The following CMSS1 variants were observed in gnomAD, a reference collection of about 807,000 sequenced individuals.
CMSS1 encodes the protein cms1 ribosomal small subunit homolog.
A neutral mutation model predicts 43.5 loss-of-function variants in CMSS1; 33 were observed. That is an observed-to-expected ratio of 0.76 (90% CI 0.57 to 1.01). CMSS1 has a LOEUF of 1.01. CMSS1 is among the 50% of genes least tolerant of loss of function. The probability of loss-of-function intolerance (pLI) is 0.00; values close to 1 mark genes in which losing one functional copy is unlikely to be tolerated. For synonymous variants in CMSS1, 115 were observed against 117.2 expected, an observed-to-expected ratio of 0.98 and a Z score of 0.12; for missense variants, 313 against 326.4, an observed-to-expected ratio of 0.96 and a Z score of 0.32.
intron 1 of CMSS1, among the ~76,000 whole-genome samples, chr3:100,030,962 T>C (rs1457935106): frequency 2.0e-5 from 3 of 152,198 alleles, no homozygotes; most frequent in African/African-American, 4.8e-5. Context: ...CTATGAGATA[T>C]GAAGTCTGAT....
chr3:100,015,868 C>T (rs368837267), intron 1 of CMSS1, among the ~76,000 whole-genome samples: 6 of 152,014 alleles, frequency 3.9e-5, no homozygotes, highest in Admixed American at 1.3e-4. Flanking sequence ...AATAATGAGG[C>T]GATGTATATA....
intron 1 of CMSS1, chr3:100,025,486 T>C (rs1451595252): frequency 6.6e-6 from 1 of 152,094 alleles, no homozygotes. Context: ...AGGGTTAAAA[T>C]AGATAAATAA....
intron 1 of CMSS1, among the ~76,000 whole-genome samples, chr3:99,995,717 C>G (rs1037390542): frequency 4.6e-5 from 7 of 152,246 alleles, no homozygotes; most frequent in Non-Finnish European, 1.0e-4. Context: ...GACTTCTGTG[C>G]ACTCACAGGT....
At chr3:99,843,252 A>C (rs1022844018) in intron 1 of CMSS1, among the ~76,000 whole-genome samples, 1 of 152,230 alleles carries the variant, frequency 6.6e-6, no homozygotes, top group South Asian at 2.1e-4. Flanking sequence ...TGAGAGAGAA[A>C]CAGACCTTGT....
intron 1 of CMSS1, among the ~76,000 whole-genome samples, chr3:99,959,549 G>T (rs1189754437): frequency 6.6e-6 from 1 of 152,082 alleles, no homozygotes; most frequent in African/African-American, 2.4e-5. Context: ...CATTACATGG[G>T]TTGTATCAAT....
intron 1 of CMSS1, among the ~76,000 whole-genome samples, chr3:100,007,286 A>C (rs139307749): frequency 1.3e-5 from 2 of 152,312 alleles, no homozygotes; most frequent in African/African-American, 4.8e-5. Flanking sequence ...TTTGAGATGA[A>C]AATATCTTAT....
intron 1 of CMSS1, among the ~76,000 whole-genome samples, chr3:99,961,180 C>G (rs950744719): frequency 2.0e-5 from 3 of 152,196 alleles, no homozygotes; most frequent in African/African-American, 7.2e-5. Flanking sequence ...GTTAAATTGC[C>G]TCTTCCAGGA....
At chr3:99,849,599 T>C (rs767048180) in intron 1 of CMSS1, 2 of 1,613,556 alleles carry the variant, frequency 1.2e-6, no homozygotes, top group South Asian at 2.2e-5. Flanking sequence ...CTGGTCTCTG[T>C]CTTTTCTGCT....
chr3:99,924,345 C>T, intron 1 of CMSS1: 2 of 1,614,118 alleles, frequency 1.2e-6, no homozygotes, highest in Non-Finnish European at 1.7e-6. Context: ...GATTTTTCTG[C>T]CACTAAAAGC....
At chr3:99,930,783 C>G in intron 1 of CMSS1, 11 of 1,613,298 alleles carry the variant, frequency 6.8e-6, no homozygotes, top group Non-Finnish European at 9.3e-6. Flanking sequence ...AGTTCTCCCT[C>G]CAGAATGCTG....
rs9816232 is a variant in CMSS1 at position 99,895,992 on chromosome 3, G to A, written c.64+77949G>A. ...AGGAGACATGTGGCTCACTGGAGGA[G>A]GGAACCATTTGCTTCTGCAGGGAAC... is the stretch of plus-strand genomic sequence containing the variant. On this transcript the variant is annotated intron_variant, in intron 1 of 9. Transcript: ENST00000421999. 5.0e-3 allele frequency among the ~76,000 whole-genome samples: 765 copies of A among 152,314 alleles called. 6 individuals carry two copies. The highest frequency in any genetic ancestry group is 0.017 in the African/African-American group (722 of 41,558).
At chr3:100,095,936 T>G (rs2066198573) in intron 1 of CMSS1, among the ~76,000 whole-genome samples, 1 of 151,870 alleles carries the variant, frequency 6.6e-6, no homozygotes, top group Admixed American at 6.6e-5. Context: ...AAAAAATGAA[T>G]AATCCAATTT....
intron 4 of CMSS1, among the ~76,000 whole-genome samples, chr3:100,163,137 A>C (rs2107527476): frequency 6.6e-6 from 1 of 152,328 alleles, no homozygotes; most frequent in Middle Eastern, 3.4e-3. Flanking sequence ...TTTATTCAAA[A>C]GGTTAATTGT....
At chr3:100,117,281 C>T (rs1487053044) in intron 1 of CMSS1, among the ~76,000 whole-genome samples, 2 of 151,954 alleles carry the variant, frequency 1.3e-5, no homozygotes, top group Admixed American at 6.6e-5. Context: ...AGACAGAAAC[C>T]CTATGGGAGA....
rs959622466 is a variant in CMSS1 at position 99,973,471 on chromosome 3, C to T, written c.64+155428C>T. Among the ~76,000 whole-genome samples the T allele has an allele frequency of 2.6e-5, 4 of 152,246 alleles. No homozygotes were observed. The East Asian group carries it at 5.8e-4, about 22-fold the overall frequency. On this transcript the variant is annotated intron_variant, in intron 1 of 9. Coordinates refer to ENST00000421999, the MANE Select transcript of CMSS1 (RefSeq NM_032359.4). ...AATCTAAAATATGCAGTTATAAATA[C>T]ATATGAAAATTCCTCTGTCTTTTTT...
rs200619882 is a variant in CMSS1 at position 99,849,644 on chromosome 3, C to G, written c.64+31601C>G. On this transcript the variant is annotated intron_variant, in intron 1 of 9. Coordinates refer to ENST00000421999, the MANE Select transcript of CMSS1 (RefSeq NM_032359.4). ...TTAGCAAGTTCCATTTTAACATGTTCTAGCTCTTTAGATAAAAATTGAGCT... is the reference window on the plus strand; with the variant it reads ...TTAGCAAGTTCCATTTTAACATGTTGTAGCTCTTTAGATAAAAATTGAGCT... 102 of 1,613,300 alleles carry G rather than the reference C, an allele frequency of 6.3e-5. No individual in the cohort carries two copies. The highest frequency in any genetic ancestry group is 7.8e-5 in the Non-Finnish European group (92 of 1,179,980).
chr3:99,864,753 C>A (rs1320228566), intron 1 of CMSS1, among the ~76,000 whole-genome samples: 3 of 152,052 alleles, frequency 2.0e-5, no homozygotes, highest in Non-Finnish European at 4.4e-5. Context: ...AAACAGAACA[C>A]GGCATGGTGT....
At chr3:99,874,141 G>A (rs560180221) in intron 1 of CMSS1, 4 of 152,072 alleles carry the variant, frequency 2.6e-5, no homozygotes, top group Non-Finnish European at 5.9e-5. Flanking sequence ...ATTAAAGAGT[G>A]TTATTTTTAA....
At chr3:100,142,026 G>A (rs1349082312) in intron 1 of CMSS1, among the ~76,000 whole-genome samples, 4 of 151,980 alleles carry the variant, frequency 2.6e-5, no homozygotes, top group Admixed American at 1.3e-4. Context: ...TCTTCTTTTG[G>A]AATCAAAAAA....
Sources: allele counts gnomAD v4.1 joint callset (sites outside exome capture counted in the v4.1 genomes callset), GRCh38; gene constraint gnomAD v4.1.1; transcripts MANE v1.5; gene names NCBI Gene and HGNC (gene_info 2026-07-23, HGNC 2026-07-21).